The following UGT1A8 variants were observed in gnomAD, a reference collection of about 807,000 sequenced individuals.
UGT1A8 encodes UDP-glucuronosyltransferase 1A8.
UGT1A8 carries 39 observed loss-of-function variants against 45.3 expected under a neutral mutation model. That is an observed-to-expected ratio of 0.86 (90% CI 0.67 to 1.12). The LOEUF is 1.12. UGT1A8 is among the 50% of genes most tolerant of loss of function. The pLI, the probability that UGT1A8 is intolerant of heterozygous loss-of-function variation, is 0.00. For missense variants in UGT1A8, 719 were observed against 664.9 expected (o/e 1.08, Z -0.90); for synonymous variants, 275 against 249.2 (o/e 1.10, Z -0.97).
Position 233,767,180 on chromosome 2 carries a change from T to C in UGT1A8, c.987+15T>C, listed in dbSNP as rs4148327. 1,996 of 1,614,008 alleles carry C rather than the reference T, an allele frequency of 1.2e-3. 35 individuals are homozygous for C. In the East Asian group the frequency reaches 0.04, roughly 32 times the overall value. On this transcript the variant is annotated intron_variant, in intron 2 of 4. Transcript: ENST00000373450. Reference sequence around the variant, plus strand: ...TCCCTCAGACAGTAAGAAGATTCTATACCATGGCCTCATATCTATTTTCAC... The same window carrying C: ...TCCCTCAGACAGTAAGAAGATTCTACACCATGGCCTCATATCTATTTTCAC...
chr2:233,711,112 C>A (rs568461565), intron 1 of UGT1A8, among the ~76,000 whole-genome samples: 2 of 152,346 alleles, frequency 1.3e-5, no homozygotes, highest in South Asian at 4.1e-4. Flanking sequence ...GACCCCTCCT[C>A]ATCTCCAGAC....
At position 233,623,964 on chromosome 2, in the gene UGT1A8, C is replaced by T. The variant is rs140003160; in HGVS notation, c.855+5402C>T. Among the ~76,000 whole-genome samples, 640 of 152,148 alleles carry T rather than the reference C, an allele frequency of 4.2e-3. 4 individuals carry two copies. Among genetic ancestry groups the T allele is most frequent in the African/African-American group, 0.014 (600 of 41,532 alleles). On this transcript the variant is annotated intron_variant, in intron 1 of 4. Transcript: ENST00000373450. ...GTCCTGCAAATATTTTCTCACAGTC[C>T]GTTGAGTGACTTTTCTTACAAATAC...
At position 233,767,864 on chromosome 2, in the gene UGT1A8, A is replaced by G. The variant is rs748591879; in HGVS notation, c.1003A>G (p.Thr335Ala). 51 of 1,614,144 alleles carry G rather than the reference A, an allele frequency of 3.2e-5. No individual in the cohort carries two copies. Among genetic ancestry groups the G allele is most frequent in the Non-Finnish European group, 3.9e-5 (46 of 1,180,042 alleles). Residue 335 changes from threonine (T) to alanine (A), a missense_variant, in exon 3 of 5, where the codon ACT (threonine) becomes GCT (alanine). Transcript: ENST00000373450. ...CCCCTCCCAGGTCCTGTGGCGGTAC[A>G]CTGGAACCCGACCATCGAATCTTGC... ...KIPQTVLWRYTGTRPSNLANN... is the reference protein window; with the variant it reads ...KIPQTVLWRYAGTRPSNLANN...
chr2:233,684,579 T>C (rs2074686061), intron 1 of UGT1A8, among the ~76,000 whole-genome samples: 1 of 152,206 alleles, frequency 6.6e-6, no homozygotes, highest in South Asian at 2.1e-4. Context: ...ATATGAAACA[T>C]TGAGCCATAT....
At chr2:233,637,252 C>T in intron 1 of UGT1A8, 1 of 1,613,960 alleles carries the variant, frequency 6.2e-7, no homozygotes, top group Non-Finnish European at 8.5e-7. Flanking sequence ...GGCATATGAT[C>T]TCTACAGTCA....
intron 1 of UGT1A8, among the ~76,000 whole-genome samples, chr2:233,674,743 G>A (rs543423784): frequency 6.6e-6 from 1 of 152,176 alleles, no homozygotes; most frequent in Non-Finnish European, 1.5e-5. Context: ...ATATATTAAT[G>A]TATGTATTTA....
intron 1 of UGT1A8, chr2:233,690,452 A>G: frequency 3.9e-6 from 5 of 1,287,814 alleles, no homozygotes; most frequent in Non-Finnish European, 5.1e-6. Flanking sequence ...TCTATTCAAA[A>G]TGCCAGCTAT....
chr2:233,735,219 T>G (rs1349774730), intron 1 of UGT1A8, among the ~76,000 whole-genome samples: 1 of 152,194 alleles, frequency 6.6e-6, no homozygotes, highest in Admixed American at 6.5e-5. Flanking sequence ...GCATATATAT[T>G]TAGGATAGTT....
At chr2:233,646,941 G>A (rs1378989051) in intron 1 of UGT1A8, among the ~76,000 whole-genome samples, 3 of 152,176 alleles carry the variant, frequency 2.0e-5, no homozygotes, top group African/African-American at 4.8e-5. Flanking sequence ...ATAAAGACAT[G>A]CCTGAGACTA....
chr2:233,732,710 C>T (rs1261368099), intron 1 of UGT1A8, among the ~76,000 whole-genome samples: 1 of 149,516 alleles, frequency 6.7e-6, no homozygotes, highest in Non-Finnish European at 1.5e-5. Flanking sequence ...TTACTGTAGC[C>T]TTGTAGTACA....
chr2:233,653,243 A>T (rs1000114893), intron 1 of UGT1A8, among the ~76,000 whole-genome samples: 36 of 152,334 alleles, frequency 2.4e-4, no homozygotes, highest in African/African-American at 8.7e-4. Context: ...GATTTATTTG[A>T]AAAACATATA....
intron 1 of UGT1A8, chr2:233,742,900 A>G (rs1289893685): frequency 6.0e-6 from 1 of 165,412 alleles, no homozygotes; most frequent in Non-Finnish European, 1.3e-5. Flanking sequence ...CAACGGAAAA[A>G]GGTAATGCTC....
At chr2:233,758,946 A>G (rs1697025416) in intron 1 of UGT1A8, among the ~76,000 whole-genome samples, 3 of 152,254 alleles carry the variant, frequency 2.0e-5, no homozygotes, top group Admixed American at 1.3e-4. Flanking sequence ...ATCAGTCATC[A>G]GAATTTCCCC....
chr2:233,744,202 G>A (rs982618462), intron 1 of UGT1A8, among the ~76,000 whole-genome samples: 3 of 151,822 alleles, frequency 2.0e-5, no homozygotes, highest in Non-Finnish European at 4.4e-5. Flanking sequence ...AAAAAGGATG[G>A]GAAAAAGAGG....
chr2:233,675,939 A>G (rs1052112012), intron 1 of UGT1A8, among the ~76,000 whole-genome samples: 8 of 152,238 alleles, frequency 5.3e-5, no homozygotes, highest in Non-Finnish European at 1.2e-4. Context: ...TTTACAGTCC[A>G]TAATAAAATT....
chr2:233,669,643 C>T (rs181894032), intron 1 of UGT1A8, among the ~76,000 whole-genome samples: 6 of 152,226 alleles, frequency 3.9e-5, no homozygotes, highest in Admixed American at 1.3e-4. Flanking sequence ...TACCAACCCC[C>T]GAGCAGTAAA....
chr2:233,683,036 T>C (rs1001644335), intron 1 of UGT1A8, among the ~76,000 whole-genome samples: 1 of 152,182 alleles, frequency 6.6e-6, no homozygotes, highest in African/African-American at 2.4e-5. Context: ...ATCTAAATGC[T>C]ATTTTTGGAA....
At chr2:233,646,581 C>T (rs1264039607) in intron 1 of UGT1A8, among the ~76,000 whole-genome samples, 1 of 152,166 alleles carries the variant, frequency 6.6e-6, no homozygotes, top group Admixed American at 6.5e-5. Flanking sequence ...GTTCAAAGTT[C>T]CACAAATCAC....
chr2:233,649,549 A>G (rs936615159), intron 1 of UGT1A8, among the ~76,000 whole-genome samples: 1 of 152,228 alleles, frequency 6.6e-6, no homozygotes, highest in African/African-American at 2.4e-5. Context: ...CAAATCAACT[A>G]TCAGGCTGGA....
Sources: gnomAD v4.1 joint callset for allele counts (sites outside exome capture counted in the v4.1 genomes callset) on GRCh38, gnomAD v4.1.1 for gene constraint, MANE v1.5 for transcripts, NCBI Gene and HGNC (gene_info 2026-07-23, HGNC 2026-07-21) for gene names.